Variants in GALNT1 observed in about 807,000 individuals in gnomAD.
GALNT1 encodes the protein GalNAc transferase 1.
GALNT1 carries 17 observed loss-of-function variants against 65.7 expected under a neutral mutation model. The observed-to-expected ratio is 0.26, with a 90% CI of 0.18 to 0.39. The LOEUF (loss-of-function observed/expected upper bound fraction) is 0.39, where lower values mean the gene tolerates loss of function less well. GALNT1 is among the 10% of genes least tolerant of loss of function. The pLI, the probability that GALNT1 is intolerant of heterozygous loss-of-function variation, is 1.00. For synonymous variants in GALNT1, 210 were observed against 219.7 expected, an observed-to-expected ratio of 0.96 and a Z score of 0.39; for missense variants, 460 against 672.8, an observed-to-expected ratio of 0.68 and a Z score of 3.50.
At chr18:35,598,156 C>T (rs2046531165) in intron 1 of GALNT1, among the ~76,000 whole-genome samples, 1 of 151,474 alleles carries the variant, frequency 6.6e-6, no homozygotes, top group Non-Finnish European at 1.5e-5. Context: ...CTGCCTTAGC[C>T]TCCCAAGTAG....
In GALNT1 at chr18:35,671,205, C is replaced by T. The variant is rs1000302673; in HGVS notation, c.315-6386C>T. The stretch of plus-strand genomic sequence containing the variant: ...CAGCCTACCATTGAAGGGACTCTCA[C>T]TCTGTATATACACACATATATATTT... On this transcript the variant is annotated intron_variant, in intron 3 of 11. Coordinates refer to ENST00000269195, the MANE Select transcript of GALNT1 (RefSeq NM_020474.4). 5.3e-5 allele frequency among the ~76,000 whole-genome samples: 8 copies of T among 152,076 alleles called. No individual in the cohort carries two copies. In the East Asian group the frequency reaches 9.6e-4, roughly 18 times the overall value.
chr18:35,654,235 G>A (rs1219882646), intron 1 of GALNT1, among the ~76,000 whole-genome samples: 1 of 152,046 alleles, frequency 6.6e-6, no homozygotes, highest in African/African-American at 2.4e-5. Flanking sequence ...CTAATTGTAG[G>A]GAATTGAGCA....
chr18:35,653,682 A>G (rs1479151296), intron 1 of GALNT1, among the ~76,000 whole-genome samples: 1 of 152,234 alleles, frequency 6.6e-6, no homozygotes. Context: ...ATGCTCCAAG[A>G]TGAATTCCTT....
chr18:35,613,747 G>A, intron 1 of GALNT1, among the ~76,000 whole-genome samples: 1 of 152,148 alleles, frequency 6.6e-6, no homozygotes, highest in East Asian at 1.9e-4. Flanking sequence ...AGGGTAGGGA[G>A]CATAGGAACA....
Position 35,632,038 on chromosome 18 carries a change from T to G in GALNT1, c.-103-22522T>G, listed in dbSNP as rs567183125. 9.9e-5 allele frequency among the ~76,000 whole-genome samples: 15 copies of G among 152,108 alleles called. No individual in the cohort carries two copies. The East Asian group carries it at 2.9e-3, about 29-fold the overall frequency. On this transcript the variant is annotated intron_variant, in intron 1 of 11. Transcript: ENST00000269195. Reference sequence around the variant, plus strand: ...AGGAGAACTACAAACCAGTGCTCAATGAAATAAAAGAGGATACAAACAAAT... The same window carrying G: ...AGGAGAACTACAAACCAGTGCTCAAGGAAATAAAAGAGGATACAAACAAAT...
chr18:35,646,234 A>G (rs933128433), intron 1 of GALNT1, among the ~76,000 whole-genome samples: 3 of 152,168 alleles, frequency 2.0e-5, no homozygotes, highest in Admixed American at 6.5e-5. Flanking sequence ...CTCACTCACT[A>G]TCCCGAGAAC....
intron 2 of GALNT1, among the ~76,000 whole-genome samples, chr18:35,656,689 C>G (rs149718674): frequency 2.0e-5 from 3 of 152,352 alleles, no homozygotes; most frequent in African/African-American, 4.8e-5. Context: ...CATCTGTAGA[C>G]AGCGGCATGG....
chr18:35,645,360 A>G (rs1248107857), intron 1 of GALNT1, among the ~76,000 whole-genome samples: 1 of 151,062 alleles, frequency 6.6e-6, no homozygotes, highest in East Asian at 2.0e-4. Flanking sequence ...CTCCTTCCCA[A>G]GTAGCTGAGA....
intron 11 of GALNT1, 120 bp from the exon 12 acceptor site, chr18:35,709,500 GTCTT>G (rs1164394147): frequency 1.2e-6 from 1 of 848,480 alleles, no homozygotes; most frequent in Non-Finnish European, 1.8e-6. Context: ...TTTCTCCGTT[GTCTT>G]TTAAATAATG....
chr18:35,604,184 C>G lies in GALNT1; in HGVS notation c.-104+22322C>G, dbSNP rs138401123. The stretch of plus-strand genomic sequence containing the variant: ...TATAAGAACATGTGGTATTTTGGTT[C>G]CTATTTTAATTCACTTAGGATAATG... On this transcript the variant is annotated intron_variant, in intron 1 of 11. Coordinates refer to ENST00000269195, the MANE Select transcript of GALNT1 (RefSeq NM_020474.4). Among the ~76,000 whole-genome samples, 594 of 152,166 alleles carry G rather than the reference C, an allele frequency of 3.9e-3. 9 individuals are homozygous for G. Among genetic ancestry groups the G allele is most frequent in the African/African-American group, 0.014 (569 of 41,504 alleles).
intron 1 of GALNT1, among the ~76,000 whole-genome samples, chr18:35,614,978 A>T (rs2046765040): frequency 6.6e-6 from 1 of 152,204 alleles, no homozygotes; most frequent in Admixed American, 6.5e-5. Context: ...ATGTGACGAC[A>T]TACCATGTTC....
chr18:35,585,819 A>G (rs765811315), intron 1 of GALNT1, among the ~76,000 whole-genome samples: 1 of 152,204 alleles, frequency 6.6e-6, no homozygotes, highest in Non-Finnish European at 1.5e-5. Flanking sequence ...TTTCATTGCT[A>G]AGTAATATTC....
intron 2 of GALNT1, 99 bp from the exon 3 acceptor site, chr18:35,663,529 T>C: frequency 7.9e-7 from 1 of 1,265,872 alleles, no homozygotes. Flanking sequence ...GGGTTCTGGT[T>C]GTTGAGGGCA....
intron 5 of GALNT1, 73 bp from the exon 6 acceptor site, chr18:35,686,938 TTACTA>T: frequency 7.5e-7 from 1 of 1,342,208 alleles, no homozygotes; most frequent in Non-Finnish European, 1.0e-6. Context: ...ATAAAAACAC[TTACTA>T]TACAATTGTT....
intron 1 of GALNT1, among the ~76,000 whole-genome samples, chr18:35,619,605 A>C (rs1374838139): frequency 2.0e-5 from 3 of 152,204 alleles, no homozygotes; most frequent in African/African-American, 7.2e-5. Flanking sequence ...GGTCTTTCTC[A>C]TCCATAGTCC....
intron 3 of GALNT1, among the ~76,000 whole-genome samples, chr18:35,666,550 A>G (rs555853786): frequency 1.1e-4 from 16 of 152,272 alleles, no homozygotes; most frequent in South Asian, 2.1e-4. Context: ...TGTTTTTGTC[A>G]TTTTAATAAC....
intron 1 of GALNT1, among the ~76,000 whole-genome samples, chr18:35,647,801 T>C (rs2047250581): frequency 6.6e-6 from 1 of 152,096 alleles, no homozygotes; most frequent in Admixed American, 6.6e-5. Flanking sequence ...TGGAGAGCTT[T>C]GGTTAGAAAT....
intron 1 of GALNT1, among the ~76,000 whole-genome samples, chr18:35,631,630 C>A (rs1325406009): frequency 1.3e-5 from 2 of 152,064 alleles, no homozygotes; most frequent in African/African-American, 4.8e-5. Context: ...GGAAGCATTC[C>A]CTTTGAAAAC....
intron 1 of GALNT1, among the ~76,000 whole-genome samples, chr18:35,625,978 C>T (rs2046911759): frequency 6.6e-6 from 1 of 152,088 alleles, no homozygotes; most frequent in Admixed American, 6.5e-5. Flanking sequence ...TTACTCCTGT[C>T]TCCCAATTAA....
Sources: gnomAD v4.1 joint callset for allele counts (sites outside exome capture counted in the v4.1 genomes callset) on GRCh38, gnomAD v4.1.1 for gene constraint, MANE v1.5 for transcripts, NCBI Gene and HGNC (gene_info 2026-07-23, HGNC 2026-07-21) for gene names.